Variants in SLC35F4 observed in about 807,000 individuals in gnomAD.
The protein encoded by SLC35F4 is chromosome 14 open reading frame 36.
SLC35F4 carries 24 observed loss-of-function variants against 44.2 expected under a neutral mutation model. The ratio of observed to expected loss-of-function variants is 0.54; its 90% CI spans 0.39 to 0.76. The LOEUF is 0.76. SLC35F4 is among the 30% of genes least tolerant of loss of function. The pLI, the probability that SLC35F4 is intolerant of heterozygous loss-of-function variation, is 0.00. For missense variants in SLC35F4, 562 were observed against 586.1 expected (o/e 0.96, Z 0.42); for synonymous variants, 238 against 223.6 (o/e 1.06, Z -0.57).
intron 1 of SLC35F4, among the ~76,000 whole-genome samples, chr14:57,664,675 T>G (rs1184571461): frequency 2.6e-5 from 4 of 152,184 alleles, no homozygotes; most frequent in Admixed American, 6.5e-5. Flanking sequence ...CCTCCCAAAG[T>G]GCTGGGATTA....
chr14:57,676,411 C>A (rs940519204), intron 1 of SLC35F4, among the ~76,000 whole-genome samples: 4 of 152,012 alleles, frequency 2.6e-5, no homozygotes, highest in Non-Finnish European at 5.9e-5. Context: ...GCAACACACA[C>A]TGGGGCCTGT....
intron 1 of SLC35F4, among the ~76,000 whole-genome samples, chr14:57,661,861 A>T (rs1371549161): frequency 1.3e-5 from 2 of 152,178 alleles, no homozygotes; most frequent in East Asian, 3.9e-4. Context: ...GTTCCCACGT[A>T]ATAATGACCA....
chr14:57,844,203 AG>A (rs754936201), intron 1 of SLC35F4, among the ~76,000 whole-genome samples: 5 of 152,224 alleles, frequency 3.3e-5, no homozygotes, highest in Non-Finnish European at 7.3e-5. Context: ...AGCTAATGTC[AG>A]AAATATCCAG....
At chr14:57,968,730 C>G (rs1419443960) in intron 1 of SLC35F4, among the ~76,000 whole-genome samples, 1 of 152,048 alleles carries the variant, frequency 6.6e-6, no homozygotes, top group Non-Finnish European at 1.5e-5. Flanking sequence ...TTCAATGTAC[C>G]CTTAAAATGG....
At chr14:57,653,428 G>C (rs1277472555) in intron 1 of SLC35F4, among the ~76,000 whole-genome samples, 1 of 152,172 alleles carries the variant, frequency 6.6e-6, no homozygotes, top group Non-Finnish European at 1.5e-5. Context: ...TGGAGTCTGT[G>C]TTATCACTCA....
At chr14:57,590,248 C>T (rs1299443782) in intron 2 of SLC35F4, among the ~76,000 whole-genome samples, 2 of 141,252 alleles carry the variant, frequency 1.4e-5, no homozygotes, top group Non-Finnish European at 3.1e-5. Context: ...AAAAAATTAG[C>T]CGTGGGAGGT....
chr14:57,572,417 A>G (rs185321153), intron 4 of SLC35F4, among the ~76,000 whole-genome samples: 3 of 152,132 alleles, frequency 2.0e-5, no homozygotes, highest in African/African-American at 7.2e-5. Flanking sequence ...CCAATTCAGC[A>G]TACATTTTAA....
intron 1 of SLC35F4, among the ~76,000 whole-genome samples, chr14:57,618,250 T>C (rs1390868309): frequency 6.6e-6 from 1 of 152,220 alleles, no homozygotes; most frequent in East Asian, 1.9e-4. Context: ...ACTGGCAAGA[T>C]GGCCAAATAG....
intron 1 of SLC35F4, among the ~76,000 whole-genome samples, chr14:57,649,266 C>T (rs534513977): frequency 1.3e-5 from 2 of 152,138 alleles, no homozygotes; most frequent in Admixed American, 1.3e-4. Flanking sequence ...TAAAACAACA[C>T]AGATTTATTA....
chr14:57,642,039 A>G (rs141183850), intron 1 of SLC35F4, among the ~76,000 whole-genome samples: 16 of 152,174 alleles, frequency 1.1e-4, no homozygotes, highest in African/African-American at 3.6e-4. Flanking sequence ...TCTTATTTCT[A>G]GAAAGTCTGC....
chr14:57,630,171 A>T, intron 1 of SLC35F4: 1 of 561,080 alleles, frequency 1.8e-6, no homozygotes, highest in South Asian at 1.4e-5. Context: ...GGGGGATCAG[A>T]AGACACTAAA....
At chr14:57,588,452 T>G (rs544492495) in intron 3 of SLC35F4, among the ~76,000 whole-genome samples, 62 of 152,172 alleles carry the variant, frequency 4.1e-4, no homozygotes, top group African/African-American at 1.5e-3. Context: ...CTAGCAAAGG[T>G]ACTTGGACCC....
chr14:57,701,933 T>C (rs576223031), intron 1 of SLC35F4, among the ~76,000 whole-genome samples: 2 of 152,282 alleles, frequency 1.3e-5, no homozygotes, highest in South Asian at 2.1e-4. Context: ...AATGGGGGAC[T>C]ACTGTATATT....
chr14:57,982,557 C>G (rs1251417001), upstream of SLC35F4, among the ~76,000 whole-genome samples: 3 of 151,976 alleles, frequency 2.0e-5, no homozygotes, highest in Non-Finnish European at 2.9e-5. Context: ...CAAAGGGCAG[C>G]TGGGGCTAGC....
chr14:57,856,413 C>A (rs757468232), intron 1 of SLC35F4, among the ~76,000 whole-genome samples: 4 of 152,174 alleles, frequency 2.6e-5, no homozygotes, highest in South Asian at 2.1e-4. Flanking sequence ...CTTGTAGCCA[C>A]AAACCAGGTC....
Position 57,614,678 on chromosome 14 carries a change from G to A in SLC35F4, c.104-20554C>T, listed in dbSNP as rs377445726. Reference sequence around the variant, plus strand: ...GCAACTGTTTTTAATGAAGGGCCCAGCTGTCACAGTAGAGGGAAATGGCAG... The same window carrying A: ...GCAACTGTTTTTAATGAAGGGCCCAACTGTCACAGTAGAGGGAAATGGCAG... On this transcript the variant is annotated intron_variant, in intron 1 of 7. Transcript: ENST00000556826. Among the ~76,000 whole-genome samples the A allele has an allele frequency of 2.6e-5, 4 of 152,202 alleles. No individual in the cohort carries two copies. In the East Asian group the frequency reaches 5.8e-4, roughly 22 times the overall value.
intron 1 of SLC35F4, among the ~76,000 whole-genome samples, chr14:57,614,893 T>G (rs1015872727): frequency 2.0e-5 from 3 of 152,228 alleles, no homozygotes; most frequent in Non-Finnish European, 2.9e-5. Context: ...GACCTTGGGA[T>G]GTCACTTAAA....
intron 1 of SLC35F4, among the ~76,000 whole-genome samples, chr14:57,820,387 G>A (rs1883041493): frequency 6.6e-6 from 1 of 152,116 alleles, no homozygotes; most frequent in Non-Finnish European, 1.5e-5. Flanking sequence ...TGTGAGTCTG[G>A]GTAAGAGAAA....
chr14:57,711,035 T>A (rs1227835879), intron 1 of SLC35F4, among the ~76,000 whole-genome samples: 1 of 151,982 alleles, frequency 6.6e-6, no homozygotes, highest in South Asian at 2.1e-4. Context: ...AATTATATGG[T>A]TTGGCTGTGT....
Sources: gnomAD v4.1 joint callset for allele counts (sites outside exome capture counted in the v4.1 genomes callset) on GRCh38, gnomAD v4.1.1 for gene constraint, MANE v1.5 for transcripts, NCBI Gene and HGNC (gene_info 2026-07-23, HGNC 2026-07-21) for gene names.